The following MOCOS variants were observed in gnomAD, a reference collection of about 807,000 sequenced individuals.
MOCOS encodes the protein molybdenum cofactor sulfurase, also known as human molybdenum cofactor sulfurase.
MOCOS carries 86 observed loss-of-function variants against 83.6 expected under a neutral mutation model. The observed-to-expected ratio is 1.03, with a 90% CI of 0.86 to 1.23. MOCOS has a LOEUF of 1.23. MOCOS is among the 50% of genes most tolerant of loss of function. The pLI is 0.00. For missense variants in MOCOS, 1,120 were observed against 1,126.9 expected, an observed-to-expected ratio of 0.99 and a Z score of 0.09; for synonymous variants, 445 against 434.7, an observed-to-expected ratio of 1.02 and a Z score of -0.29.
rs1454011834 is a variant in MOCOS, at chr18:36,235,412, G to A, written c.1961-13510G>A. On this transcript the variant is annotated intron_variant, in intron 9 of 14. Transcript: ENST00000261326. ...TTTTTTGTTCTTGTGATAGTTTACT[G>A]AGAATGATGATTTCCAATTTCATCC... Among the ~76,000 whole-genome samples the A allele has an allele frequency of 4.6e-5, 6 of 131,018 alleles. No individual in the cohort carries two copies. The East Asian group carries it at 8.7e-4, about 19-fold the overall frequency. The allele number at this position is 131,018 out of a possible 152,430, so 86.0% of individuals were successfully genotyped here.
chr18:36,195,213 A>C, intron 1 of MOCOS, 44 bp from the exon 2 acceptor site: 1 of 1,561,232 alleles, frequency 6.4e-7, no homozygotes, highest in Non-Finnish European at 8.8e-7. Context: ...TACACAAACC[A>C]GATTCAGGTA....
intron 5 of MOCOS, among the ~76,000 whole-genome samples, chr18:36,204,092 C>T (rs186643277): frequency 5.3e-5 from 8 of 152,122 alleles, no homozygotes; most frequent in African/African-American, 1.4e-4. Context: ...TAACATAAAA[C>T]TTACCATTTT....
intron 9 of MOCOS, among the ~76,000 whole-genome samples, chr18:36,231,826 T>C (rs767983707): frequency 6.2e-4 from 94 of 152,176 alleles, no homozygotes; most frequent in Non-Finnish European, 1.1e-3. Flanking sequence ...TTCAGGCTCT[T>C]CCATAAAAAA....
At chr18:36,203,564 A>G (rs1384941975) in intron 5 of MOCOS, among the ~76,000 whole-genome samples, 2 of 152,180 alleles carry the variant, frequency 1.3e-5, no homozygotes, top group Non-Finnish European at 2.9e-5. Context: ...AGCTCTGCCT[A>G]TGAATGAGCT....
intron 4 of MOCOS, 95 bp from the exon 5 acceptor site, chr18:36,203,018 C>G (rs1010159154): frequency 8.9e-6 from 11 of 1,235,790 alleles, no homozygotes; most frequent in African/African-American, 4.4e-5. Flanking sequence ...ACATCAACAG[C>G]TAAGCCTAAA....
Position 36,196,508 on chromosome 18 carries a change from G to C in MOCOS, c.232+1162G>C, listed in dbSNP as rs2091388204. 2.0e-5 allele frequency among the ~76,000 whole-genome samples: 3 copies of C among 152,242 alleles called. No individual in the cohort carries two copies. The South Asian group carries it at 6.2e-4, about 32-fold the overall frequency. ...GCCCAAGCCCTTAGCCTCCACCAGA[G>C]TGCCTCGATTCAGGATACTTCTGTT... On this transcript the variant is annotated intron_variant, in intron 2 of 14. Transcript: ENST00000261326.
intron 10 of MOCOS, among the ~76,000 whole-genome samples, chr18:36,250,732 A>G (rs562887701): frequency 1.3e-5 from 2 of 152,356 alleles, no homozygotes; most frequent in Admixed American, 1.3e-4. Context: ...TCACAGGCAC[A>G]GTGTTCATTT....
chr18:36,227,644 T>C (rs1289337311), intron 9 of MOCOS, among the ~76,000 whole-genome samples: 1 of 151,884 alleles, frequency 6.6e-6, no homozygotes, highest in Non-Finnish European at 1.5e-5. Context: ...GATCTGCCTG[T>C]CTCGGCCTCC....
At chr18:36,195,148 A>G in intron 1 of MOCOS, 109 bp from the exon 2 acceptor site, 2 of 899,966 alleles carry the variant, frequency 2.2e-6, no homozygotes, top group Non-Finnish European at 3.7e-6. Flanking sequence ...ATCAAGAGGC[A>G]CAAGTCAGTG....
At chr18:36,240,564 T>C (rs2091577716) in intron 9 of MOCOS, among the ~76,000 whole-genome samples, 1 of 151,738 alleles carries the variant, frequency 6.6e-6, no homozygotes, top group African/African-American at 2.4e-5. Flanking sequence ...CATTTAAGTC[T>C]GCAGAGGTTA....
rs527953558 is a variant in MOCOS, at chr18:36,208,746, A to G, written c.1218+3470A>G. Among the ~76,000 whole-genome samples the G allele has an allele frequency of 4.6e-5, 7 of 152,290 alleles. No homozygotes were observed. The East Asian group carries it at 7.7e-4, about 17-fold the overall frequency. ...AATCATGTTATCAGTGAAGAGAGAT[A>G]GGTTGACTTCTTCTCTTCCTATTTG... On this transcript the variant is annotated intron_variant, in intron 6 of 14. Transcript: ENST00000261326.
At chr18:36,252,604 G>T (rs889616129) in intron 11 of MOCOS, among the ~76,000 whole-genome samples, 1 of 152,130 alleles carries the variant, frequency 6.6e-6, no homozygotes, top group East Asian at 1.9e-4. Flanking sequence ...TGCACCTGTA[G>T]TCCCAGCTGC....
intron 8 of MOCOS, among the ~76,000 whole-genome samples, chr18:36,219,054 A>C (rs953385103): frequency 1.3e-5 from 2 of 150,472 alleles, no homozygotes; most frequent in African/African-American, 4.9e-5. Context: ...TTTTTAGTAG[A>C]GATGGGGTTT....
intron 13 of MOCOS, among the ~76,000 whole-genome samples, chr18:36,260,411 C>T (rs866172551): frequency 4.6e-5 from 7 of 152,252 alleles, no homozygotes; most frequent in Non-Finnish European, 8.8e-5. Flanking sequence ...AGAAGGTGTG[C>T]GAGGGCTCGA....
chr18:36,187,918 C>G (rs981569172), intron 1 of MOCOS, among the ~76,000 whole-genome samples: 2 of 152,254 alleles, frequency 1.3e-5, no homozygotes, highest in Admixed American at 6.5e-5. Flanking sequence ...ACCAACCTAG[C>G]CGTCTTCCCC....
At chr18:36,246,587 G>T (rs2091602982) in intron 9 of MOCOS, among the ~76,000 whole-genome samples, 1 of 152,190 alleles carries the variant, frequency 6.6e-6, no homozygotes, top group African/African-American at 2.4e-5. Context: ...TTAGTGTGCT[G>T]GTTTTAGTCC....
intron 9 of MOCOS, among the ~76,000 whole-genome samples, chr18:36,221,828 C>T (rs1405333157): frequency 6.6e-6 from 1 of 151,114 alleles, no homozygotes; most frequent in Non-Finnish European, 1.5e-5. Context: ...CTGGGTTCAG[C>T]GATTCTTGTG....
At chr18:36,189,490 C>T (rs2091356633) in intron 1 of MOCOS, among the ~76,000 whole-genome samples, 2 of 152,144 alleles carry the variant, frequency 1.3e-5, no homozygotes, top group East Asian at 3.9e-4. Context: ...TCACCTCTTC[C>T]TCGTTCCTCC....
chr18:36,229,310 T>C (rs2144930687), intron 9 of MOCOS, among the ~76,000 whole-genome samples: 1 of 152,304 alleles, frequency 6.6e-6, no homozygotes, highest in South Asian at 2.1e-4. Flanking sequence ...TTTGTTTCTT[T>C]TAATAGTTTG....
Sources: gnomAD v4.1 joint callset for allele counts (sites outside exome capture counted in the v4.1 genomes callset) on GRCh38, gnomAD v4.1.1 for gene constraint, MANE v1.5 for transcripts, NCBI Gene and HGNC (gene_info 2026-07-23, HGNC 2026-07-21) for gene names.